Variants in XRCC1 observed in about 807,000 individuals in gnomAD.
XRCC1 encodes X-ray repair cross complementing 1, also known as DNA repair protein XRCC1.
XRCC1 carries 52 observed loss-of-function variants against 83.3 expected under a neutral mutation model. That is an observed-to-expected ratio of 0.62 (90% confidence interval 0.50 to 0.79). XRCC1 has a LOEUF of 0.79. Ranked by LOEUF, XRCC1 falls within the 30% of genes least tolerant of loss-of-function variation. XRCC1 has a pLI of 0.00. For synonymous variants in XRCC1, 281 were observed against 312.6 expected, an observed-to-expected ratio of 0.90 and a Z score of 1.07; for missense variants, 793 against 823.5, an observed-to-expected ratio of 0.96 and a Z score of 0.45.
intron 2 of XRCC1, among the ~76,000 whole-genome samples, chr19:43,563,645 G>C (rs1600056653): frequency 6.6e-6 from 1 of 152,120 alleles, no homozygotes; most frequent in African/African-American, 2.4e-5. Context: ...CTCTGCACCT[G>C]CCAATCCCCC....
At chr19:43,548,779 A>AAAAAAAAAAAAAAAAAAAAAAAAAAC (rs1213062759) in intron 10 of XRCC1, among the ~76,000 whole-genome samples, 54 of 141,696 alleles carry the variant, frequency 3.8e-4, no homozygotes, top group Admixed American at 5.2e-4. Flanking sequence ...AAAAAAAAAA[A>AAAAAAAAAAAAAAAAAAAAAAAAAAC]AAAAAAACAC....
chr19:43,544,120 C>T (rs1972483990), intron 15 of XRCC1, 24 bp downstream of exon 15: 13 of 1,584,570 alleles, frequency 8.2e-6, no homozygotes, highest in Non-Finnish European at 1.1e-5. Flanking sequence ...CACCCCTTCC[C>T]CACCCCAGTC....
Position 43,575,510 on chromosome 19 carries a change from C to G in XRCC1, c.-52G>C. 1 of 1,590,438 alleles carries G rather than the reference C, an allele frequency of 6.3e-7. No individual in the cohort carries two copies. The stretch of plus-strand genomic sequence containing the variant: ...AGAAGGATGAGGTAGAGTATGGGGT[C>G]CGAGGGGCAGGGAGAGTGGGAGGGG... On this transcript the variant is annotated 5_prime_UTR_variant, in exon 1 of 17. Coordinates refer to ENST00000262887, the MANE Select transcript of XRCC1 (RefSeq NM_006297.3).
Position 43,568,362 on chromosome 19 carries a change from T to A in XRCC1, c.144+6548A>T, listed in dbSNP as rs184753094. ...AAATACAAAAATTAGCCAAGCCTGG[T>A]GGCATGTGCCCGTAATCCCAGCTAC... On this transcript the variant is annotated intron_variant, in intron 2 of 16. Transcript: ENST00000262887. Among the ~76,000 whole-genome samples the A allele has an allele frequency of 6.0e-3, 909 of 152,020 alleles. 34 individuals are homozygous for A. Among genetic ancestry groups the A allele is most frequent in the Admixed American group, 0.054 (827 of 15,262 alleles).
chr19:43,543,759 T>A, intron 15 of XRCC1, 72 bp from the exon 16 acceptor site: 1 of 1,417,992 alleles, frequency 7.1e-7, no homozygotes, highest in Non-Finnish European at 9.9e-7. Context: ...CCCCAGCCAC[T>A]CTCAATGGCT....
chr19:43,548,784 A>AAAAAAAAAAAAC (rs752610644), intron 10 of XRCC1, among the ~76,000 whole-genome samples: 2,735 of 141,372 alleles, frequency 0.019, 105 homozygotes, highest in African/African-American at 0.04. Flanking sequence ...AAAAAAAAAA[A>AAAAAAAAAAAAC]AACACAACAG....
chr19:43,554,845 T>C (rs780273633), intron 3 of XRCC1, 41 bp from the exon 4 acceptor site: 43 of 1,588,376 alleles, frequency 2.7e-5, no homozygotes, highest in Admixed American at 6.9e-5. Flanking sequence ...CCAGGGCAGG[T>C]TGGCTTAGAT....
At chr19:43,565,109 G>A (rs1600057505) in intron 2 of XRCC1, among the ~76,000 whole-genome samples, 1 of 151,990 alleles carries the variant, frequency 6.6e-6, no homozygotes, top group East Asian at 1.9e-4. Flanking sequence ...GTTACGTGAG[G>A]CCCACCAGAT....
In XRCC1 at chr19:43,553,002, C is replaced by T; in HGVS notation, c.691G>A (p.Ala231Thr). 2 of 1,603,380 alleles carry T rather than the reference C, an allele frequency of 1.2e-6. No homozygotes were observed. The highest frequency in any genetic ancestry group is 1.7e-6 in the Non-Finnish European group (2 of 1,175,286). ...AASSASPVSRAIGSTSKPQES... is the reference protein window; with the variant it reads ...AASSASPVSRTIGSTSKPQES... ...TTCACCTTGGAGGTGCTGCCTATGG[C>T]CCTGGAGACTGGAGAGGCTGAGGAG... Residue 231 changes from alanine to threonine, a missense_variant, in exon 7 of 17, where the codon GCC becomes ACC. Physicochemically the swap from Ala to Thr is moderately conservative, Grantham distance 58. Transcript: ENST00000262887.
At chr19:43,557,097 A>C (rs1467761852) in intron 3 of XRCC1, among the ~76,000 whole-genome samples, 1 of 152,052 alleles carries the variant, frequency 6.6e-6, no homozygotes, top group Non-Finnish European at 1.5e-5. Context: ...TCACGAGGTC[A>C]GGAGATCGAG....
chr19:43,548,644 G>A (rs1274339091), intron 10 of XRCC1, among the ~76,000 whole-genome samples: 5 of 152,020 alleles, frequency 3.3e-5, no homozygotes, highest in African/African-American at 9.7e-5. Context: ...GCGGAAGGCC[G>A]CAGGGTCCTC....
intron 10 of XRCC1, among the ~76,000 whole-genome samples, chr19:43,548,367 A>G (rs1021329314): frequency 2.6e-5 from 4 of 152,198 alleles, no homozygotes; most frequent in Non-Finnish European, 4.4e-5. Flanking sequence ...GAGAAATCAG[A>G]TTGTTGCTGT....
chr19:43,565,439 A>G (rs947737968), intron 2 of XRCC1, among the ~76,000 whole-genome samples: 1 of 152,254 alleles, frequency 6.6e-6, no homozygotes, highest in Non-Finnish European at 1.5e-5. Flanking sequence ...ACTGCAAAGC[A>G]CTGTCCAATA....
At chr19:43,568,200 AAAG>A (rs891553107) in intron 2 of XRCC1, among the ~76,000 whole-genome samples, 2 of 151,910 alleles carry the variant, frequency 1.3e-5, no homozygotes, top group Non-Finnish European at 2.9e-5. Context: ...GCATCATTTA[AAAG>A]AATAAGGTAG....
intron 2 of XRCC1, among the ~76,000 whole-genome samples, chr19:43,566,708 G>A (rs926578266): frequency 2.0e-5 from 3 of 151,156 alleles, no homozygotes; most frequent in African/African-American, 7.3e-5. Context: ...GCGAAACCCC[G>A]TCTCTACTAA....
intron 10 of XRCC1, among the ~76,000 whole-genome samples, chr19:43,547,800 T>C (rs1301743319): frequency 6.6e-6 from 1 of 152,128 alleles, no homozygotes; most frequent in Non-Finnish European, 1.5e-5. Context: ...GTACCCAGAA[T>C]TCCCCTCCCT....
intron 10 of XRCC1, among the ~76,000 whole-genome samples, chr19:43,550,792 C>T (rs1054769275): frequency 5.9e-5 from 9 of 152,186 alleles, no homozygotes; most frequent in Non-Finnish European, 1.0e-4. Context: ...CCTGAAAAAC[C>T]TCTCTTGGAC....
intron 2 of XRCC1, among the ~76,000 whole-genome samples, chr19:43,565,915 G>C (rs1408387945): frequency 6.6e-6 from 1 of 152,098 alleles, no homozygotes; most frequent in Non-Finnish European, 1.5e-5. Flanking sequence ...CCCAGCCTGG[G>C]TGATAAAGTG....
chr19:43,569,084 C>T (rs1972782226), intron 2 of XRCC1, among the ~76,000 whole-genome samples: 1 of 151,514 alleles, frequency 6.6e-6, no homozygotes, highest in African/African-American at 2.4e-5. Context: ...TCAAGACCAG[C>T]CTTGGCAACA....
Sources: gnomAD v4.1 joint callset for allele counts (sites outside exome capture counted in the v4.1 genomes callset) on GRCh38, gnomAD v4.1.1 for gene constraint, MANE v1.5 for transcripts, NCBI Gene and HGNC (gene_info 2026-07-23, HGNC 2026-07-21) for gene names.